The following HP1BP3 variants were observed in gnomAD, a reference collection of about 807,000 sequenced individuals.
HP1BP3 encodes the protein heterochromatin protein 1 binding protein 3.
A neutral mutation model predicts 62.5 loss-of-function variants in HP1BP3; 12 were observed. The ratio of observed to expected loss-of-function variants is 0.19; its 90% CI spans 0.12 to 0.31. The LOEUF (loss-of-function observed/expected upper bound fraction) is 0.31. HP1BP3 is among the 10% of genes least tolerant of loss of function. The pLI is 1.00. For missense variants in HP1BP3, 502 were observed against 651.8 expected (o/e 0.77, Z 2.50); for synonymous variants, 260 against 237.8 (o/e 1.09, Z -0.86).
At chr1:20,784,445 G>A (rs950261511) in intron 1 of HP1BP3, among the ~76,000 whole-genome samples, 5 of 150,498 alleles carry the variant, frequency 3.3e-5, no homozygotes, top group African/African-American at 7.3e-5. Flanking sequence ...TAAACTAAAG[G>A]ATGAACAAAT....
intron 9 of HP1BP3, among the ~76,000 whole-genome samples, chr1:20,753,288 T>C (rs2055892870): frequency 6.6e-6 from 1 of 152,204 alleles, no homozygotes; most frequent in Non-Finnish European, 1.5e-5. Context: ...TAACCTATCA[T>C]TATTCAGACT....
At position 20,780,202 on chromosome 1, in the gene HP1BP3, G is replaced by A. The variant is rs577002137; in HGVS notation, c.96+143C>T. On this transcript the variant is annotated intron_variant, in intron 2 of 12. Coordinates refer to ENST00000438032, the MANE Select transcript of HP1BP3 (RefSeq NM_001372052.1). ...CTCAGGAATTTGAGGGGAAAGGGAA[G>A]ATGAAAAGAATCTGATTTTGTTTCA... 16 of 648,200 alleles carry A rather than the reference G, an allele frequency of 2.5e-5. No individual in the cohort carries two copies. In the South Asian group the frequency reaches 2.9e-4, roughly 12 times the overall value. 40.2% of individuals were successfully genotyped at this position (648,200 alleles called of 1,614,324 possible).
intron 4 of HP1BP3, chr1:20,775,975 G>C (rs1172079447): frequency 7.3e-7 from 1 of 1,362,964 alleles, no homozygotes; most frequent in African/African-American, 1.8e-5. Context: ...GACCAATTAT[G>C]AAAAGAGTGG....
In HP1BP3 at chr1:20,744,926, G is replaced by A. The variant is rs17448349; in HGVS notation, c.1533C>T (p.Pro511=). The change falls in exon 13 of 13, where the codon CCC becomes CCT. Residue 511 remains proline, a synonymous_variant. Transcript: ENST00000438032. ...TAGGTTTCTTGATGACTGTGGATGA[G>A]GGTCTGGTCTTCTTGGCAGGCGTTT... ...KAKTPAKKTR[P]SSTVIKKPSG... is the part of the protein sequence containing the mutation. 57,832 of 1,614,184 alleles carry A rather than the reference G, an allele frequency of 0.036. 1,229 individuals carry two copies. Among genetic ancestry groups the A allele is most frequent in the Non-Finnish European group, 0.041 (47,880 of 1,180,016 alleles).
intron 3 of HP1BP3, among the ~76,000 whole-genome samples, chr1:20,779,406 C>T (rs2057444013): frequency 6.6e-6 from 1 of 152,202 alleles, no homozygotes; most frequent in East Asian, 1.9e-4. Flanking sequence ...ATCAACAGAT[C>T]ACCATTTGCT....
chr1:20,780,971 C>CT (rs138173659), intron 1 of HP1BP3, among the ~76,000 whole-genome samples: 5,128 of 151,630 alleles, frequency 0.034, 162 homozygotes, highest in East Asian at 0.12. Flanking sequence ...TATTAAAGTA[C>CT]TTTTTTTTTC....
rs768572824 is a variant in HP1BP3, at chr1:20,780,369, C to G, written c.72G>C (p.Leu24=). 17 of 1,613,444 alleles carry G rather than the reference C, an allele frequency of 1.1e-5. No homozygotes were observed. Among genetic ancestry groups the G allele is most frequent in the Admixed American group, 3.3e-5 (2 of 60,000 alleles). ...KALPLIVGAQ[L]IHADKLGEKV... ...CCTCACCTAACTTGTCCGCGTGGAT[C>G]AGCTGAGCTCCTACTATAAGTGGGA... The change falls in exon 2 of 13, where the codon CTG becomes CTC. Residue 24 remains leucine (L), a synonymous_variant. Coordinates refer to ENST00000438032, the MANE Select transcript of HP1BP3 (RefSeq NM_001372052.1).
intron 9 of HP1BP3, among the ~76,000 whole-genome samples, chr1:20,752,955 T>C (rs1241198845): frequency 6.6e-6 from 1 of 152,154 alleles, no homozygotes; most frequent in African/African-American, 2.4e-5. Context: ...ACGTTTTTTT[T>C]TTTTGAGACG....
chr1:20,782,603 T>A (rs1364209146), intron 1 of HP1BP3, among the ~76,000 whole-genome samples: 39 of 137,936 alleles, frequency 2.8e-4, no homozygotes, highest in African/African-American at 7.0e-4. Context: ...AATAATAATT[T>A]AAAAAAAAAC....
chr1:20,750,895 G>A (rs999368081), intron 9 of HP1BP3, among the ~76,000 whole-genome samples: 15 of 138,486 alleles, frequency 1.1e-4, no homozygotes, highest in African/African-American at 4.1e-4. Context: ...TCAGCTCACT[G>A]CAACCTCGGT....
intron 8 of HP1BP3, among the ~76,000 whole-genome samples, chr1:20,762,172 T>C (rs1446804688): frequency 6.6e-6 from 1 of 152,040 alleles, no homozygotes; most frequent in Non-Finnish European, 1.5e-5. Flanking sequence ...AATCAAGAAT[T>C]AGAGAAAATC....
chr1:20,767,747 G>A, intron 6 of HP1BP3, 83 bp from the exon 7 acceptor site: 1 of 822,010 alleles, frequency 1.2e-6, no homozygotes. Context: ...TAATGCAAGA[G>A]CTAATGTAAA....
At chr1:20,778,626 C>A (rs895584946) in intron 3 of HP1BP3, among the ~76,000 whole-genome samples, 2 of 152,128 alleles carry the variant, frequency 1.3e-5, no homozygotes, top group East Asian at 3.9e-4. Context: ...TATTTGGATT[C>A]CCGTGTTTCT....
intron 11 of HP1BP3, 88 bp downstream of exon 11, chr1:20,747,456 A>T: frequency 1.2e-6 from 1 of 857,512 alleles, no homozygotes. Flanking sequence ...CCAGTTCACT[A>T]AAACAGTAAT....
intron 1 of HP1BP3, among the ~76,000 whole-genome samples, chr1:20,782,538 C>G (rs996246227): frequency 6.6e-6 from 1 of 150,976 alleles, no homozygotes; most frequent in Non-Finnish European, 1.5e-5. Context: ...AACCTGAAAT[C>G]GAGCCACTGC....
chr1:20,766,151 C>G (rs2056771478), intron 7 of HP1BP3, among the ~76,000 whole-genome samples: 1 of 151,960 alleles, frequency 6.6e-6, no homozygotes, highest in Non-Finnish European at 1.5e-5. Flanking sequence ...ATTAGCCAGG[C>G]ATGGTGGCAT....
At chr1:20,757,883 C>T (rs1489970954) in intron 8 of HP1BP3, among the ~76,000 whole-genome samples, 3 of 151,974 alleles carry the variant, frequency 2.0e-5, no homozygotes, top group Admixed American at 6.5e-5. Context: ...CGGTGGCTCA[C>T]GCTTGTAATC....
At chr1:20,783,217 G>A (rs1333125725) in intron 1 of HP1BP3, among the ~76,000 whole-genome samples, 2 of 152,164 alleles carry the variant, frequency 1.3e-5, no homozygotes, top group South Asian at 4.2e-4. Flanking sequence ...AGTTATTTGG[G>A]ATAAATATTA....
intron 4 of HP1BP3, chr1:20,776,291 A>T: frequency 2.3e-6 from 1 of 428,272 alleles, no homozygotes; most frequent in Middle Eastern, 6.1e-4. Context: ...TTCATTTCTT[A>T]TTGAAGTCTT....
Sources: gnomAD v4.1 joint callset for allele counts (sites outside exome capture counted in the v4.1 genomes callset) on GRCh38, gnomAD v4.1.1 for gene constraint, MANE v1.5 for transcripts, NCBI Gene and HGNC (gene_info 2026-07-23, HGNC 2026-07-21) for gene names.